OSBPL8: variants seen among roughly 807,000 people sequenced by gnomAD.
The protein encoded by OSBPL8 is oxysterol-binding protein-related protein 8.
In OSBPL8, 59 loss-of-function variants were observed where a neutral mutation model predicts 125.5. The ratio of observed to expected loss-of-function variants is 0.47; its 90% CI spans 0.38 to 0.58. OSBPL8 has a LOEUF of 0.58. Ranked by LOEUF, OSBPL8 falls within the 20% of genes least tolerant of loss-of-function variation. The pLI is 0.00. For missense variants in OSBPL8, 758 were observed against 1,047.8 expected (o/e 0.72, Z 3.82); for synonymous variants, 330 against 338.9 (o/e 0.97, Z 0.29).
At chr12:76,469,911 A>C (rs754895942) in intron 2 of OSBPL8, among the ~76,000 whole-genome samples, 3 of 152,216 alleles carry the variant, frequency 2.0e-5, no homozygotes, top group Non-Finnish European at 4.4e-5. Context: ...GAAAAGAAAA[A>C]AAAAAGGCTT....
intron 5 of OSBPL8, 118 bp from the exon 6 acceptor site, chr12:76,402,884 GTCAATTT>G (rs926527836): frequency 1.5e-6 from 1 of 684,976 alleles, no homozygotes; most frequent in African/African-American, 1.8e-5. Flanking sequence ...TTAAGCAAAT[GTCAATTT>G]TCAATAGAAT....
At chr12:76,426,746 A>G (rs753433170) in intron 4 of OSBPL8, among the ~76,000 whole-genome samples, 35 of 152,308 alleles carry the variant, frequency 2.3e-4, no homozygotes, top group Non-Finnish European at 3.1e-4. Flanking sequence ...TTCTTAAAAC[A>G]AAGTTCTCAG....
At chr12:76,540,508 G>A (rs1219147404) in intron 1 of OSBPL8, among the ~76,000 whole-genome samples, 3 of 151,688 alleles carry the variant, frequency 2.0e-5, no homozygotes, top group African/African-American at 4.8e-5. Context: ...GTGTGTGTGT[G>A]TGTGTGTGTG....
intron 1 of OSBPL8, among the ~76,000 whole-genome samples, chr12:76,516,313 C>A (rs979746723): frequency 6.6e-6 from 1 of 152,182 alleles, no homozygotes; most frequent in South Asian, 2.1e-4. Flanking sequence ...GAAATCTGCA[C>A]ACATAAACCT....
chr12:76,385,518 A>T (rs1008024811), intron 14 of OSBPL8, among the ~76,000 whole-genome samples: 2 of 152,182 alleles, frequency 1.3e-5, no homozygotes, highest in Non-Finnish European at 2.9e-5. Flanking sequence ...AAAAAGGTAA[A>T]CGATACAAAT....
chr12:76,520,300 C>G (rs1319019189), intron 1 of OSBPL8, among the ~76,000 whole-genome samples: 1 of 152,160 alleles, frequency 6.6e-6, no homozygotes, highest in African/African-American at 2.4e-5. Flanking sequence ...TTCTTTCTTC[C>G]TTGGCATGCA....
At chr12:76,371,653 TATG>T in intron 18 of OSBPL8, 69 bp from the exon 19 acceptor site, 1 of 1,248,478 alleles carries the variant, frequency 8.0e-7, no homozygotes, top group Non-Finnish European at 1.0e-6. Flanking sequence ...AGTATAGTAA[TATG>T]ACGGTGATAA....
intron 1 of OSBPL8, among the ~76,000 whole-genome samples, chr12:76,535,583 A>G (rs1310125973): frequency 6.6e-6 from 1 of 152,212 alleles, no homozygotes; most frequent in African/African-American, 2.4e-5. Flanking sequence ...AAATTTGTAC[A>G]TGGATGTTCA....
intron 1 of OSBPL8, among the ~76,000 whole-genome samples, chr12:76,529,273 A>G (rs1002012006): frequency 1.3e-5 from 2 of 152,232 alleles, no homozygotes; most frequent in Non-Finnish European, 2.9e-5. Flanking sequence ...AAAACTTCAG[A>G]AAAATAAATT....
rs149658254 is a variant in OSBPL8 at position 76,558,414 on chromosome 12, G to A, written c.-68+983C>T. ...CTAGATACGAAGGGAGGCAAAAACT[G>A]TTTTAAAGGATTATTTCAAAAGCAG... is the stretch of plus-strand genomic sequence containing the variant. On this transcript the variant is annotated intron_variant, in intron 1 of 23. Transcript: ENST00000261183. Among the ~76,000 whole-genome samples the A allele has an allele frequency of 1.7e-3, 259 of 152,244 alleles. 1 individual carries two copies. The highest frequency in any genetic ancestry group is 6.1e-3 in the African/African-American group (253 of 41,550).
chr12:76,422,764 CA>C (rs1190880395), intron 4 of OSBPL8: 1 of 349,588 alleles, frequency 2.9e-6, no homozygotes, highest in Non-Finnish European at 5.8e-6. Flanking sequence ...CCAGCACAAA[CA>C]AAGAACACAC....
intron 16 of OSBPL8, among the ~76,000 whole-genome samples, chr12:76,375,833 G>A (rs1210187014): frequency 6.6e-6 from 1 of 151,950 alleles, no homozygotes; most frequent in Non-Finnish European, 1.5e-5. Flanking sequence ...TGTTTAAAAT[G>A]GACCCACATG....
At chr12:76,356,162 T>TGGGGGGGGGGGATGTGGGGG in intron 23 of OSBPL8, 141 bp from the exon 24 acceptor site, 1 of 131,274 alleles carries the variant, frequency 7.6e-6, no homozygotes, top group Non-Finnish European at 1.6e-5. Flanking sequence ...TATGTAGGGG[T>TGGGGGGGGGGGATGTGGGGG]GGGGGGGGGC....
intron 1 of OSBPL8, among the ~76,000 whole-genome samples, chr12:76,548,769 G>A (rs1322666271): frequency 6.6e-6 from 1 of 152,096 alleles, no homozygotes; most frequent in Non-Finnish European, 1.5e-5. Context: ...AAATCTAATA[G>A]GGAAAACAGT....
intron 1 of OSBPL8, among the ~76,000 whole-genome samples, chr12:76,549,226 G>C (rs1592902666): frequency 6.6e-6 from 1 of 152,240 alleles, no homozygotes; most frequent in East Asian, 1.9e-4. Flanking sequence ...GAGTTTCCTG[G>C]AATTGGAAAA....
intron 21 of OSBPL8, among the ~76,000 whole-genome samples, chr12:76,368,668 T>C (rs984406185): frequency 3.9e-5 from 6 of 152,148 alleles, no homozygotes; most frequent in African/African-American, 1.2e-4. Context: ...CTTGCTTATA[T>C]CTGCTTTTGA....
chr12:76,438,602 C>T (rs189066539), intron 4 of OSBPL8, among the ~76,000 whole-genome samples: 36 of 152,284 alleles, frequency 2.4e-4, no homozygotes, highest in African/African-American at 7.5e-4. Context: ...AAATAGTCCA[C>T]GTCTTTTTCT....
intron 1 of OSBPL8, among the ~76,000 whole-genome samples, chr12:76,501,112 CATAG>C (rs1879858393): frequency 6.6e-6 from 1 of 151,964 alleles, no homozygotes. Flanking sequence ...CACACACACA[CATAG>C]ACACATATAC....
intron 1 of OSBPL8, among the ~76,000 whole-genome samples, chr12:76,492,937 T>TATATAGATA (rs1491340106): frequency 1.5e-5 from 2 of 134,132 alleles, no homozygotes; most frequent in East Asian, 4.0e-4. Flanking sequence ...TATATAGATA[T>TATATAGATA]TTTTTTTTTG....
Sources: allele counts gnomAD v4.1 joint callset (sites outside exome capture counted in the v4.1 genomes callset), GRCh38; gene constraint gnomAD v4.1.1; transcripts MANE v1.5; gene names NCBI Gene and HGNC (gene_info 2026-07-23, HGNC 2026-07-21).